TENM3: variants seen among roughly 807,000 people sequenced by gnomAD.
TENM3 encodes the protein teneurin transmembrane protein 3.
TENM3 carries 63 observed loss-of-function variants against 255.1 expected under a neutral mutation model. That is an observed-to-expected ratio of 0.25 (90% CI 0.20 to 0.30). The LOEUF (loss-of-function observed/expected upper bound fraction) is 0.30, where lower values mean the gene tolerates loss of function less well. Among genes scored for constraint, TENM3 ranks in the 10% least tolerant of loss-of-function variants. TENM3 has a pLI of 1.00. For missense variants in TENM3, 2,929 were observed against 3,461.1 expected (o/e 0.85, Z 3.86); for synonymous variants, 1,306 against 1,322.3 (o/e 0.99, Z 0.27).
chr4:182,553,757 C>A (rs1299657054), intron 3 of TENM3, among the ~76,000 whole-genome samples: 1 of 152,128 alleles, frequency 6.6e-6, no homozygotes, highest in African/African-American at 2.4e-5. Context: ...CTTGATAACT[C>A]GGGTTACTAT....
the TENM3 span, among the ~76,000 whole-genome samples, chr4:181,636,793 T>C: frequency 1.3e-5 from 2 of 152,226 alleles, no homozygotes; most frequent in Non-Finnish European, 1.5e-5. Context: ...TCCTGTTAGC[T>C]AAACGGATCA....
At chr4:181,467,221 C>A in the TENM3 span, among the ~76,000 whole-genome samples, 1 of 146,848 alleles carries the variant, frequency 6.8e-6, no homozygotes, top group Admixed American at 6.8e-5. Context: ...CCTCCGCCTC[C>A]CATGTTTAAG....
At chr4:182,446,998 C>G (rs771660144) in intron 3 of TENM3, among the ~76,000 whole-genome samples, 7 of 152,052 alleles carry the variant, frequency 4.6e-5, no homozygotes, top group Non-Finnish European at 5.9e-5. Flanking sequence ...TTGCAGTGCC[C>G]AACAACATAC....
At chr4:181,875,898 T>C in the TENM3 span, among the ~76,000 whole-genome samples, 10 of 151,992 alleles carry the variant, frequency 6.6e-5, no homozygotes, top group African/African-American at 2.4e-4. Flanking sequence ...AAAAAAAATA[T>C]GCAGAGAAAT....
intron 3 of TENM3, among the ~76,000 whole-genome samples, chr4:182,581,835 C>A (rs1745522618): frequency 6.6e-6 from 1 of 151,866 alleles, no homozygotes; most frequent in South Asian, 2.1e-4. Flanking sequence ...TACTATAAGG[C>A]CAAGAAGAAA....
the TENM3 span, among the ~76,000 whole-genome samples, chr4:181,883,720 G>T: frequency 9.9e-4 from 150 of 152,066 alleles, 1 homozygote; most frequent in African/African-American, 3.4e-3. Context: ...CTTGTGATCC[G>T]CCCGCCTCAG....
At chr4:182,587,537 C>T (rs1046718865) in intron 3 of TENM3, among the ~76,000 whole-genome samples, 5 of 152,124 alleles carry the variant, frequency 3.3e-5, no homozygotes, top group African/African-American at 1.2e-4. Context: ...CAAGATCGCA[C>T]CACTGCACTT....
chr4:181,511,313 A>C, the TENM3 span, among the ~76,000 whole-genome samples: 2 of 152,226 alleles, frequency 1.3e-5, no homozygotes, highest in Admixed American at 6.5e-5. Flanking sequence ...CCATAGGCAG[A>C]CATTTGGAAT....
the TENM3 span, among the ~76,000 whole-genome samples, chr4:181,779,066 G>A: frequency 6.6e-6 from 1 of 152,070 alleles, no homozygotes; most frequent in African/African-American, 2.4e-5. Flanking sequence ...ACAAAGGAGA[G>A]TAGTGAACAG....
intron 2 of TENM3, among the ~76,000 whole-genome samples, chr4:182,325,181 G>A (rs1763313203): frequency 6.6e-6 from 1 of 152,098 alleles, no homozygotes; most frequent in Non-Finnish European, 1.5e-5. Context: ...TAATAATAAA[G>A]AATATATTCA....
the TENM3 span, among the ~76,000 whole-genome samples, chr4:181,774,160 TC>T: frequency 1.2e-5 from 1 of 82,056 alleles, no homozygotes; most frequent in Non-Finnish European, 2.3e-5. Context: ...ATGCTATCCC[TC>T]CCCCCTCCCC....
intron 1 of TENM3, among the ~76,000 whole-genome samples, chr4:182,185,094 C>A (rs531953672): frequency 1.4e-5 from 2 of 146,134 alleles, no homozygotes; most frequent in African/African-American, 5.1e-5. Flanking sequence ...AAAAAAAAAT[C>A]TATTTTATTC....
chr4:182,617,208 A>G (rs1749624176), intron 4 of TENM3, among the ~76,000 whole-genome samples: 1 of 152,200 alleles, frequency 6.6e-6, no homozygotes, highest in Admixed American at 6.6e-5. Flanking sequence ...ATATTTAATG[A>G]ATGCCCAATT....
the TENM3 span, among the ~76,000 whole-genome samples, chr4:181,608,552 G>C: frequency 1.3e-5 from 2 of 151,820 alleles, no homozygotes; most frequent in South Asian, 4.2e-4. Context: ...GCCTTGGATT[G>C]GACCGGCTAA....
chr4:181,467,061 GTGTGT>G, the TENM3 span, among the ~76,000 whole-genome samples: 5 of 19,102 alleles, frequency 2.6e-4, no homozygotes, highest in Non-Finnish European at 4.8e-4. Context: ...TATTTTACTA[GTGTGT>G]GTGTGTGTGT....
intron 3 of TENM3, among the ~76,000 whole-genome samples, chr4:182,421,604 A>G (rs1023037681): frequency 6.6e-6 from 1 of 152,200 alleles, no homozygotes; most frequent in Admixed American, 6.5e-5. Flanking sequence ...GTGCAAGAAG[A>G]GCAAGCAAGA....
chr4:182,113,473 A>G, the TENM3 span, among the ~76,000 whole-genome samples: 35 of 152,174 alleles, frequency 2.3e-4, 1 homozygote, highest in Non-Finnish European at 4.4e-4. Context: ...CTTCCTCTCT[A>G]TTACCTGAGA....
the TENM3 span, among the ~76,000 whole-genome samples, chr4:181,524,770 TAA>T: frequency 2.0e-5 from 3 of 151,872 alleles, no homozygotes; most frequent in African/African-American, 4.8e-5. Flanking sequence ...AGGTAGGGGG[TAA>T]AGAGTAGATG....
intron 2 of TENM3, 55 bp from the exon 3 acceptor site, chr4:182,346,596 A>T (rs2150669032): frequency 6.9e-7 from 1 of 1,442,144 alleles, no homozygotes; most frequent in Non-Finnish European, 9.4e-7. Flanking sequence ...AAAAGAAAAG[A>T]AACTAACACT....
Sources: allele counts gnomAD v4.1 joint callset (sites outside exome capture counted in the v4.1 genomes callset), GRCh38; gene constraint gnomAD v4.1.1; transcripts MANE v1.5; gene names NCBI Gene and HGNC (gene_info 2026-07-23, HGNC 2026-07-21).